Variants in BDP1 observed in about 807,000 individuals in gnomAD.
BDP1 encodes transcription factor TFIIIB component B'' homolog.
In BDP1, 169 loss-of-function variants were observed where a neutral mutation model predicts 266.6. The observed-to-expected ratio is 0.63, with a 90% confidence interval of 0.56 to 0.72. The LOEUF is 0.72. Among genes scored for constraint, BDP1 ranks in the 30% least tolerant of loss-of-function variants. BDP1 has a pLI of 0.00. For missense variants in BDP1, 3,015 were observed against 3,053.8 expected, an observed-to-expected ratio of 0.99 and a Z score of 0.30; for synonymous variants, 1,090 against 1,022.4, an observed-to-expected ratio of 1.07 and a Z score of -1.26.
At chr5:71,517,553 T>C in intron 22 of BDP1, 101 bp downstream of exon 22, 1 of 1,041,860 alleles carries the variant, frequency 9.6e-7, no homozygotes, top group Non-Finnish European at 1.4e-6. Flanking sequence ...ATCCTGAAAA[T>C]GTTAAAAGGA....
chr5:71,532,645 T>C (rs1382792198), intron 26 of BDP1, among the ~76,000 whole-genome samples: 1 of 152,226 alleles, frequency 6.6e-6, no homozygotes, highest in Non-Finnish European at 1.5e-5. Flanking sequence ...TACATTAAAA[T>C]TCAGTTGCAT....
intron 12 of BDP1, among the ~76,000 whole-genome samples, chr5:71,495,613 T>G (rs1201784559): frequency 6.6e-6 from 1 of 152,198 alleles, no homozygotes; most frequent in African/African-American, 2.4e-5. Flanking sequence ...TGCAGAAAGA[T>G]TCTCTTTCAT....
chr5:71,478,637 T>C (rs1456941898), intron 7 of BDP1, among the ~76,000 whole-genome samples: 3 of 152,126 alleles, frequency 2.0e-5, no homozygotes, highest in Non-Finnish European at 4.4e-5. Context: ...TGATTAATTA[T>C]ATTTCTCTGG....
At chr5:71,465,039 G>GT (rs1303100083) in intron 4 of BDP1, among the ~76,000 whole-genome samples, 1 of 151,648 alleles carries the variant, frequency 6.6e-6, no homozygotes, top group Admixed American at 6.6e-5. Context: ...TTTTTGAAGA[G>GT]TTTTTTTTCA....
chr5:71,562,195 CAAAAAAAAAA>C lies in BDP1; in HGVS notation c.7497-60_7497-51del, dbSNP rs564127239. The C allele has an allele frequency of 6.4e-3, 2,931 of 459,254 alleles. 46 individuals are homozygous for C. The Admixed American group carries it at 0.07, about 11-fold the overall frequency. 28.4% of individuals were successfully genotyped at this position (459,254 alleles called of 1,614,324 possible). ...CCTGGGTGAGAGTGAGACTGCGTCT[CAAAAAAAAAA>C]AAAAAAAAAAAAAAAAAAGAATGTG... On this transcript the variant is annotated intron_variant, in intron 37 of 38. Transcript: ENST00000358731.
chr5:71,509,984 T>G lies in BDP1; in HGVS notation c.2892T>G (p.Ser964Arg), dbSNP rs1424294447. Residue 964 changes from serine to arginine, a missense_variant, in exon 17 of 39, where the codon AGT (serine) becomes AGG (arginine). Physicochemically the swap from Ser to Arg is moderately radical, Grantham distance 110. Coordinates refer to ENST00000358731, the MANE Select transcript of BDP1 (RefSeq NM_018429.3). ...ATTTGAAAGCAACTGGAAATGAGAG[T>G]TCCCCAAGGGAGAAGACACCAGAGG... ...ETDLKATGNESSPREKTPEVT... is the reference protein window; with the variant it reads ...ETDLKATGNERSPREKTPEVT... 1 of 1,612,018 alleles carries G rather than the reference T, an allele frequency of 6.2e-7. No individual in the cohort carries two copies. Among genetic ancestry groups the G allele is most frequent in the Non-Finnish European group, 8.5e-7 (1 of 1,179,550 alleles).
intron 36 of BDP1, among the ~76,000 whole-genome samples, chr5:71,558,927 G>A (rs1743431113): frequency 6.6e-6 from 1 of 152,092 alleles, no homozygotes; most frequent in Non-Finnish European, 1.5e-5. Context: ...GCCAAAGTTG[G>A]TGGGTCACTT....
At chr5:71,564,380 A>G (rs1432809327) in intron 38 of BDP1, among the ~76,000 whole-genome samples, 2 of 152,068 alleles carry the variant, frequency 1.3e-5, no homozygotes, top group Non-Finnish European at 2.9e-5. Context: ...AGATTTAACC[A>G]TATTATATTT....
intron 19 of BDP1, among the ~76,000 whole-genome samples, chr5:71,513,924 TATGTTAGCCAGG>T (rs1420133056): frequency 1.3e-5 from 2 of 151,668 alleles, no homozygotes; most frequent in Non-Finnish European, 2.9e-5. Flanking sequence ...GGGGTTTCAC[TATGTTAGCCAGG>T]CTGATCTCGA....
At chr5:71,472,070 T>C (rs1293652539) in intron 7 of BDP1, among the ~76,000 whole-genome samples, 1 of 152,242 alleles carries the variant, frequency 6.6e-6, no homozygotes, top group African/African-American at 2.4e-5. Context: ...TGTAATTAAT[T>C]ATAAATTTGT....
At chr5:71,539,204 G>A (rs1690874240) in intron 27 of BDP1, 126 bp downstream of exon 27, 9 of 643,750 alleles carry the variant, frequency 1.4e-5, no homozygotes, top group Admixed American at 3.3e-5. Context: ...TATTGAATGT[G>A]TTGTCTCTGT....
At chr5:71,536,595 T>C (rs1416139546) in intron 26 of BDP1, among the ~76,000 whole-genome samples, 1 of 152,082 alleles carries the variant, frequency 6.6e-6, no homozygotes, top group African/African-American at 2.4e-5. Context: ...CTCAGTAATT[T>C]GGGAGGTGGG....
rs1304155331 is a variant in BDP1 at position 71,539,097 on chromosome 5, ACTG to A, written c.5929+22_5929+24del. The A allele has an allele frequency of 1.3e-6, 2 of 1,561,162 alleles. No individual in the cohort carries two copies. Among genetic ancestry groups the A allele is most frequent in the Admixed American group, 1.8e-5 (1 of 57,006 alleles). ...GAACCAGGTAACTGTTATCAAGGAA[ACTG>A]CTAAGACTACCTTGATTAACACTAG... On this transcript the variant is annotated intron_variant, in intron 27 of 38. Transcript: ENST00000358731.
At chr5:71,491,673 C>A (rs1270651744) in intron 11 of BDP1, among the ~76,000 whole-genome samples, 1 of 152,104 alleles carries the variant, frequency 6.6e-6, no homozygotes, top group Non-Finnish European at 1.5e-5. Context: ...CCTATTTCCT[C>A]CGCCTCCCAG....
chr5:71,502,878 C>A, intron 15 of BDP1, 87 bp downstream of exon 15: 2 of 861,916 alleles, frequency 2.3e-6, no homozygotes, highest in South Asian at 3.6e-5. Context: ...TACTTACATA[C>A]ATACATACAT....
chr5:71,538,183 A>G (rs750664466), intron 26 of BDP1, among the ~76,000 whole-genome samples: 2 of 152,122 alleles, frequency 1.3e-5, no homozygotes, highest in African/African-American at 2.4e-5. Context: ...CATAATGTCT[A>G]ATTTTTATTC....
intron 7 of BDP1, among the ~76,000 whole-genome samples, chr5:71,477,301 A>G (rs1157094166): frequency 6.6e-6 from 1 of 151,552 alleles, no homozygotes; most frequent in Non-Finnish European, 1.5e-5. Context: ...GGTGTGCGCT[A>G]CTGTGCTTGA....
In BDP1 at chr5:71,495,255, A is replaced by C; in HGVS notation, c.1646A>C (p.Gln549Pro). ...AAATATTTTCTTTTTTTTAGTAATC[A>C]ACAAGATGCCACATCAGTAGCAACT... ...RTDPILSLSN[Q>P]QDATSVATES... Residue 549 changes from glutamine to proline, a missense_variant, in exon 12 of 39, where the codon CAA (glutamine) becomes CCA (proline). Physicochemically the swap from Gln to Pro is moderately conservative, Grantham distance 76 (BLOSUM62 -1). Around this residue, in one of 3 missense-constraint regions of BDP1, gnomAD observed 2,383 missense variants for 2,404.9 expected, o/e 0.99. Transcript: ENST00000358731. 1 of 1,544,352 alleles carries C rather than the reference A, an allele frequency of 6.5e-7. No homozygotes were observed. Among genetic ancestry groups the C allele is most frequent in the Non-Finnish European group, 8.7e-7 (1 of 1,146,070 alleles).
chr5:71,495,500 T>C, intron 12 of BDP1, 92 bp downstream of exon 12: 1 of 743,906 alleles, frequency 1.3e-6, no homozygotes, highest in Non-Finnish European at 2.1e-6. Flanking sequence ...TTCGAGGGGA[T>C]TATTAATACA....
Sources: gnomAD v4.1 joint callset for allele counts (sites outside exome capture counted in the v4.1 genomes callset) on GRCh38, gnomAD v4.1.1 for gene constraint, gnomAD v4.1.1 regional missense constraint, MANE v1.5 for transcripts, NCBI Gene and HGNC (gene_info 2026-07-23, HGNC 2026-07-21) for gene names.